TSPAN9: variants seen among roughly 807,000 people sequenced by gnomAD.
TSPAN9 encodes the protein tetraspanin-9.
A neutral mutation model predicts 31.0 loss-of-function variants in TSPAN9; 16 were observed. That is an observed-to-expected ratio of 0.52 (90% CI 0.35 to 0.78). The LOEUF (loss-of-function observed/expected upper bound fraction) is 0.78. Ranked by LOEUF, TSPAN9 falls within the 30% of genes least tolerant of loss-of-function variation. TSPAN9 has a pLI of 0.01. For synonymous variants in TSPAN9, 145 were observed against 121.6 expected (o/e 1.19, Z -1.27); for missense variants, 272 against 312.5 (o/e 0.87, Z 0.98).
intron 2 of TSPAN9, among the ~76,000 whole-genome samples, chr12:3,088,438 G>A (rs2098301912): frequency 6.6e-6 from 1 of 152,156 alleles, no homozygotes; most frequent in Non-Finnish European, 1.5e-5. Context: ...CTTGCTGCTG[G>A]GGATGGGTGG....
At chr12:3,103,784 C>T (rs1356964525) in intron 2 of TSPAN9, among the ~76,000 whole-genome samples, 1 of 152,168 alleles carries the variant, frequency 6.6e-6, no homozygotes, top group East Asian at 1.9e-4. Flanking sequence ...GTGTCCTCAG[C>T]CTCATCCCAC....
intron 2 of TSPAN9, among the ~76,000 whole-genome samples, chr12:3,116,432 C>T (rs949872225): frequency 2.6e-5 from 4 of 152,184 alleles, no homozygotes; most frequent in Non-Finnish European, 5.9e-5. Flanking sequence ...AGATGAAACA[C>T]GGCAATGCTT....
intron 3 of TSPAN9, among the ~76,000 whole-genome samples, chr12:3,269,844 G>GC (rs1862640229): frequency 6.6e-6 from 1 of 152,242 alleles, no homozygotes; most frequent in Non-Finnish European, 1.5e-5. Context: ...TCTGGGAAGA[G>GC]CCCCTGGCCC....
intron 5 of TSPAN9, among the ~76,000 whole-genome samples, 194 bp downstream of exon 5, chr12:3,279,260 G>A (rs1162939984): frequency 2.6e-5 from 4 of 152,216 alleles, no homozygotes; most frequent in Non-Finnish European, 4.4e-5. Flanking sequence ...GGGGCAGCAT[G>A]GGGCAGGCAA....
At chr12:3,151,939 A>C (rs76139786) in intron 2 of TSPAN9, among the ~76,000 whole-genome samples, 6 of 152,052 alleles carry the variant, frequency 3.9e-5, no homozygotes, top group Non-Finnish European at 5.9e-5. Context: ...AACAAAAAAA[A>C]CACACAGCCG....
At position 3,279,088 on chromosome 12, in the gene TSPAN9, G is replaced by A. The variant is rs369835062; in HGVS notation, c.330+22G>A. The A allele has an allele frequency of 3.1e-6, 5 of 1,609,706 alleles. No homozygotes were observed. The African/African-American group carries it at 6.7e-5, about 22-fold the overall frequency. On this transcript the variant is annotated intron_variant, in intron 5 of 8. Coordinates refer to ENST00000011898, the MANE Select transcript of TSPAN9 (RefSeq NM_006675.5). ...CAAGGTAAGCCTTACCAGATGGGAG[G>A]GGGCATATGGAATGTCACTGCCCTT...
intron 6 of TSPAN9, 112 bp from the exon 7 acceptor site, chr12:3,281,086 G>A: frequency 1.3e-6 from 2 of 1,500,908 alleles, no homozygotes; most frequent in Non-Finnish European, 1.8e-6. Flanking sequence ...TCCCTTAACT[G>A]CAGGGTGGCC....
intron 2 of TSPAN9, among the ~76,000 whole-genome samples, chr12:3,164,045 G>T (rs1410729515): frequency 6.6e-6 from 1 of 152,194 alleles, no homozygotes; most frequent in Non-Finnish European, 1.5e-5. Context: ...CACTTAGAAG[G>T]CCAAGCTATA....
Position 3,168,001 on chromosome 12 carries a change from G to A in TSPAN9, c.-17-33176G>A, listed in dbSNP as rs893748944. Among the ~76,000 whole-genome samples, 1 of 152,158 alleles carries A rather than the reference G, an allele frequency of 6.6e-6. No individual in the cohort carries two copies. Among genetic ancestry groups the A allele is most frequent in the African/African-American group, 2.4e-5 (1 of 41,432 alleles). On this transcript the variant is annotated intron_variant, in intron 2 of 8. Transcript: ENST00000011898. This position sits in a 1 kb window ranked among gnomAD's most constrained non-coding sequence, Gnocchi z 4.0. ...GGCCTGTCCTCCTGGGAGGATTGGG[G>A]TCAGTTTGGTTTGCAGGCCTTTGTG...
chr12:3,094,847 C>CTTTTTTTTTT (rs61154605), intron 2 of TSPAN9, among the ~76,000 whole-genome samples: 2 of 101,950 alleles, frequency 2.0e-5, no homozygotes, highest in African/African-American at 8.4e-5. Context: ...AATCAATAAT[C>CTTTTTTTTTT]TTTTTTTTTT....
intron 2 of TSPAN9, among the ~76,000 whole-genome samples, chr12:3,125,334 C>G (rs1030941459): frequency 1.3e-5 from 2 of 152,062 alleles, no homozygotes; most frequent in African/African-American, 4.8e-5. Flanking sequence ...CTCAGCACAG[C>G]ACCTTTCATT....
At chr12:3,121,592 G>A (rs564024504) in intron 2 of TSPAN9, among the ~76,000 whole-genome samples, 2 of 129,958 alleles carry the variant, frequency 1.5e-5, no homozygotes, top group Non-Finnish European at 3.1e-5. Context: ...TTTCCAGGCT[G>A]GTCTCAAACT....
At chr12:3,161,799 CT>C (rs1467433350) in intron 2 of TSPAN9, among the ~76,000 whole-genome samples, 35 of 151,702 alleles carry the variant, frequency 2.3e-4, no homozygotes, top group Non-Finnish European at 1.3e-4. Context: ...ATCTATCTAT[CT>C]ATCTATCTAT....
intron 3 of TSPAN9, chr12:3,211,832 T>C: frequency 1.9e-6 from 3 of 1,593,050 alleles, no homozygotes; most frequent in South Asian, 1.1e-5. Flanking sequence ...GAAGTAGGAA[T>C]TGGGGCTCTG....
chr12:3,185,552 C>T (rs548488789), intron 2 of TSPAN9, among the ~76,000 whole-genome samples: 1 of 152,286 alleles, frequency 6.6e-6, no homozygotes, highest in East Asian at 1.9e-4. Flanking sequence ...TGACCAGTCT[C>T]CCCCTTCGGA....
At chr12:3,246,777 C>T (rs1331562972) in intron 3 of TSPAN9, among the ~76,000 whole-genome samples, 3 of 152,190 alleles carry the variant, frequency 2.0e-5, no homozygotes, top group Non-Finnish European at 4.4e-5. Flanking sequence ...CTCTGAATAC[C>T]GCCCCACCAT....
chr12:3,082,693 C>G (rs2098298507), intron 1 of TSPAN9, among the ~76,000 whole-genome samples: 2 of 151,978 alleles, frequency 1.3e-5, no homozygotes, highest in Non-Finnish European at 2.9e-5. Flanking sequence ...GGATCAGGAT[C>G]ATTTGTAACT....
In TSPAN9 at chr12:3,284,804, C is replaced by G. The variant is rs1447066855; in HGVS notation, c.*1688C>G. 1 of 152,250 alleles carries G rather than the reference C, an allele frequency of 6.6e-6. No homozygotes were observed. Among genetic ancestry groups the G allele is most frequent in the Non-Finnish European group, 1.5e-5 (1 of 68,076 alleles). 9.4% of individuals were successfully genotyped at this position (152,250 alleles called of 1,614,324 possible). On this transcript the variant is annotated 3_prime_UTR_variant, in exon 9 of 9. Transcript: ENST00000011898. ...CGGCTGCCTTTCCTATACAGTTTGT[C>G]TTGTCACCCTGGTTTCCCACTGGGG...
intron 2 of TSPAN9, among the ~76,000 whole-genome samples, chr12:3,189,817 C>T (rs751051647): frequency 1.1e-4 from 16 of 152,128 alleles, no homozygotes; most frequent in Admixed American, 2.0e-4. Flanking sequence ...TGGAGTGAGA[C>T]GACAGCCAGT....
Sources: gnomAD v4.1 joint callset for allele counts (sites outside exome capture counted in the v4.1 genomes callset) on GRCh38, gnomAD v4.1.1 for gene constraint, Gnocchi (gnomAD v3.1) non-coding constraint, MANE v1.5 for transcripts, NCBI Gene and HGNC (gene_info 2026-07-23, HGNC 2026-07-21) for gene names.